GSE1: variants seen among roughly 807,000 people sequenced by gnomAD.
GSE1 encodes the protein genetic suppressor element 1.
GSE1 carries 32 observed loss-of-function variants against 112.6 expected under a neutral mutation model. That is an observed-to-expected ratio of 0.28 (90% CI 0.21 to 0.38). The LOEUF (loss-of-function observed/expected upper bound fraction) is 0.38. Among genes scored for constraint, GSE1 ranks in the 10% least tolerant of loss-of-function variants. The pLI, the probability that GSE1 is intolerant of heterozygous loss-of-function variation, is 1.00. For synonymous variants in GSE1, 1,115 were observed against 735.6 expected (o/e 1.52, Z -8.35); for missense variants, 2,348 against 1,699.2 (o/e 1.38, Z -6.71).
chr16:85,590,013 GTGAA>G (rs557749344), intron 1 of GSE1, among the ~76,000 whole-genome samples: 113 of 152,266 alleles, frequency 7.4e-4, no homozygotes, highest in African/African-American at 2.6e-3. Flanking sequence ...TGTGACCTGT[GTGAA>G]TGAACATGAG....
At chr16:85,585,927 G>A (rs1353075692) in intron 1 of GSE1, among the ~76,000 whole-genome samples, 1 of 152,198 alleles carries the variant, frequency 6.6e-6, no homozygotes, top group Non-Finnish European at 1.5e-5. Context: ...CCTTGGGCAA[G>A]TTACTCAACC....
At chr16:85,540,067 A>G (rs1305016067) in intron 2 of GSE1, among the ~76,000 whole-genome samples, 1 of 152,210 alleles carries the variant, frequency 6.6e-6, no homozygotes, top group Non-Finnish European at 1.5e-5. Context: ...AAGTCACTGC[A>G]GGTCTGCTTC....
chr16:85,420,972 C>T (rs551874852), intron 2 of GSE1, among the ~76,000 whole-genome samples: 27 of 152,338 alleles, frequency 1.8e-4, no homozygotes, highest in African/African-American at 6.3e-4. Flanking sequence ...AGCGTCTGCG[C>T]CGCCACCGCC....
chr16:85,296,919 G>A (rs981382574), intron 1 of GSE1, among the ~76,000 whole-genome samples: 2 of 152,204 alleles, frequency 1.3e-5, no homozygotes, highest in Non-Finnish European at 2.9e-5. Context: ...GGGGTCTGTC[G>A]GCACGCCCAG....
At position 85,269,755 on chromosome 16, in the gene GSE1, T is replaced by C. The variant is rs192355926; in HGVS notation, c.2284-87708T>C. Among the ~76,000 whole-genome samples the C allele has an allele frequency of 5.0e-3, 751 of 149,290 alleles. 20 individuals carry two copies. Among genetic ancestry groups the C allele is most frequent in the African/African-American group, 0.017 (717 of 41,362 alleles). ...CACCAGACGCCCTTGCACCTGGCAC[T>C]CTGCAGCAGGTCTGCTGGGGTCTCT... On this transcript the variant is annotated intron_variant, in intron 1 of 2. Transcript: ENST00000637419.
At chr16:85,447,334 A>G (rs2049544305) in intron 2 of GSE1, among the ~76,000 whole-genome samples, 1 of 152,214 alleles carries the variant, frequency 6.6e-6, no homozygotes, top group African/African-American at 2.4e-5. Flanking sequence ...AGGCTCATAT[A>G]AACACGTGGT....
At position 85,402,790 on chromosome 16, in the gene GSE1, C is replaced by T. The variant is rs116159885; in HGVS notation, c.2464+45147C>T. ...TACAAAAGTTATCCGGGTGTGGCTC[C>T]TGTAGTCCCAGTTACTTGGGAGGCT... On this transcript the variant is annotated intron_variant, in intron 2 of 2. Transcript: ENST00000637419. Among the ~76,000 whole-genome samples the T allele has an allele frequency of 1.6e-3, 245 of 152,184 alleles. 2 individuals are homozygous for T. The highest frequency in any genetic ancestry group is 5.5e-3 in the African/African-American group (228 of 41,506).
intron 1 of GSE1, among the ~76,000 whole-genome samples, chr16:85,270,569 A>G (rs1908730333): frequency 6.7e-6 from 1 of 148,826 alleles, no homozygotes; most frequent in Non-Finnish European, 1.5e-5. Flanking sequence ...GTGGGGGCCG[A>G]TTTTATTAAA....
intron 1 of GSE1, among the ~76,000 whole-genome samples, chr16:85,303,573 T>C (rs1488291535): frequency 1.3e-5 from 2 of 152,228 alleles, no homozygotes; most frequent in Admixed American, 6.5e-5. Context: ...GCAGGTTCTA[T>C]TGTGACTCCC....
chr16:85,428,258 C>T (rs1213605754), intron 2 of GSE1, among the ~76,000 whole-genome samples: 1 of 152,192 alleles, frequency 6.6e-6, no homozygotes, highest in African/African-American at 2.4e-5. Context: ...GGGCTCCTGA[C>T]CTGGGCTTCC....
At chr16:85,330,356 G>A (rs141884585) in intron 1 of GSE1, among the ~76,000 whole-genome samples, 1 of 152,232 alleles carries the variant, frequency 6.6e-6, no homozygotes, top group African/African-American at 2.4e-5. Context: ...GAACGCAGGG[G>A]CCTGGAGAAG....
intron 9 of GSE1, among the ~76,000 whole-genome samples, chr16:85,661,980 G>A (rs1479123510): frequency 1.3e-5 from 2 of 152,216 alleles, no homozygotes; most frequent in African/African-American, 4.8e-5. Flanking sequence ...CTGCCTCGAT[G>A]CAAATTGTCC....
intron 1 of GSE1, among the ~76,000 whole-genome samples, chr16:85,174,724 T>A (rs2074425999): frequency 6.6e-6 from 1 of 152,112 alleles, no homozygotes; most frequent in South Asian, 2.1e-4. Context: ...CAGATTAAAC[T>A]TAGGACCCAG....
At chr16:85,639,482 C>T (rs79395476) in intron 2 of GSE1, among the ~76,000 whole-genome samples, 12,566 of 143,676 alleles carry the variant, frequency 0.087, 774 homozygotes, top group African/African-American at 0.16. Flanking sequence ...TGACTCCCCT[C>T]TAAGCCTCCT....
At chr16:85,642,462 C>G (rs201869330) in intron 2 of GSE1, among the ~76,000 whole-genome samples, 81 of 122,628 alleles carry the variant, frequency 6.6e-4, no homozygotes, top group Admixed American at 3.8e-3. Context: ...AAGCAGGGGG[C>G]AAAGTGCACC....
intron 1 of GSE1, among the ~76,000 whole-genome samples, chr16:85,299,315 G>A (rs984587410): frequency 2.6e-5 from 4 of 152,172 alleles, no homozygotes; most frequent in East Asian, 1.9e-4. Context: ...GGAACGGGCC[G>A]GTCTGCAGGT....
Position 85,577,822 on chromosome 16 carries a change from C to G in GSE1, c.37+21459C>G, listed in dbSNP as rs552154468. ...TAAAGGCTTGGGTTCCAGGTTTCCC[C>G]TTTTCCACTCCAGTCCTCCAGGGGC... is the stretch of plus-strand genomic sequence containing the variant. On this transcript the variant is annotated intron_variant, in intron 1 of 2. Coordinates refer to the GSE1 transcript ENST00000635906. Among the ~76,000 whole-genome samples, 209 of 152,368 alleles carry G rather than the reference C, an allele frequency of 1.4e-3. 1 individual carries two copies. The highest frequency in any genetic ancestry group is 4.5e-3 in the African/African-American group (189 of 41,584).
chr16:85,543,007 C>G (rs2044575878), intron 2 of GSE1, among the ~76,000 whole-genome samples: 1 of 152,116 alleles, frequency 6.6e-6, no homozygotes, highest in African/African-American at 2.4e-5. Flanking sequence ...GTGGGTAGAT[C>G]ATGAGTTCAG....
chr16:85,522,232 T>C (rs1238940130), intron 2 of GSE1, among the ~76,000 whole-genome samples: 1 of 151,978 alleles, frequency 6.6e-6, no homozygotes, highest in Non-Finnish European at 1.5e-5. Flanking sequence ...GGCCGTGGCT[T>C]GTCCAGTATC....
Sources: allele counts gnomAD v4.1 joint callset (sites outside exome capture counted in the v4.1 genomes callset), GRCh38; gene constraint gnomAD v4.1.1; transcripts MANE v1.5; gene names NCBI Gene and HGNC (gene_info 2026-07-23, HGNC 2026-07-21).